The following DUSP22 variants were observed in gnomAD, a reference collection of about 807,000 sequenced individuals.
The protein encoded by DUSP22 is dual specificity protein phosphatase 22.
In DUSP22, 24 loss-of-function variants were observed where a neutral mutation model predicts 24.5. The observed-to-expected ratio is 0.98, with a 90% CI of 0.71 to 1.38. The LOEUF (loss-of-function observed/expected upper bound fraction) is 1.38, where lower values mean the gene tolerates loss of function less well. Among genes scored for constraint, DUSP22 ranks in the 40% most tolerant of loss-of-function variants. DUSP22 has a pLI of 0.00. For synonymous variants in DUSP22, 160 were observed against 106.4 expected (o/e 1.50, Z -3.10); for missense variants, 330 against 269.2 (o/e 1.23, Z -1.58).
chr6:315,599 A>G lies in DUSP22; in HGVS notation c.138+3637A>G, dbSNP rs558640137. On this transcript the variant is annotated intron_variant, in intron 3 of 6. Transcript: ENST00000419235. ...TTGTGCTATTTGTGCTTGTACTAGC[A>G]ATGTATGAAAGTGCCTTTCCCTGCC... Among the ~76,000 whole-genome samples the G allele has an allele frequency of 1.4e-4, 21 of 152,420 alleles. No individual in the cohort carries two copies. In the East Asian group the frequency reaches 1.9e-3, roughly 14 times the overall value.
At chr6:338,485 T>C (rs1365395962) in intron 4 of DUSP22, among the ~76,000 whole-genome samples, 1 of 152,306 alleles carries the variant, frequency 6.6e-6, no homozygotes, top group African/African-American at 2.4e-5. Context: ...TATCAGGTGC[T>C]GACAATCAAC....
At chr6:301,770 G>A (rs1420427734) in intron 1 of DUSP22, among the ~76,000 whole-genome samples, 4 of 152,416 alleles carry the variant, frequency 2.6e-5, no homozygotes, top group African/African-American at 9.6e-5. Flanking sequence ...GGGGCAGGAG[G>A]ACTTGACAAC....
chr6:341,349 C>T (rs928495818), intron 4 of DUSP22, among the ~76,000 whole-genome samples: 18 of 152,302 alleles, frequency 1.2e-4, no homozygotes, highest in East Asian at 1.9e-4. Context: ...GCTTCAGACT[C>T]GCACTTCTGC....
At chr6:345,268 C>T (rs976673120) in intron 4 of DUSP22, among the ~76,000 whole-genome samples, 2 of 148,314 alleles carry the variant, frequency 1.3e-5, no homozygotes, top group South Asian at 4.2e-4. Flanking sequence ...GGAGTGCAGT[C>T]GTGTGATCTT....
chr6:309,929 A>G (rs1757995774), intron 2 of DUSP22, among the ~76,000 whole-genome samples: 1 of 152,256 alleles, frequency 6.6e-6, no homozygotes, highest in Admixed American at 6.5e-5. Context: ...ATAATTAAAC[A>G]TTTGCCTTTC....
intron 4 of DUSP22, among the ~76,000 whole-genome samples, chr6:341,951 G>T (rs1418901797): frequency 6.6e-6 from 1 of 151,464 alleles, no homozygotes; most frequent in Non-Finnish European, 1.5e-5. Flanking sequence ...TTGAACCCAG[G>T]TTCAACCCCA....
At chr6:304,503 G>T in intron 1 of DUSP22, 125 bp from the exon 2 acceptor site, 1 of 1,399,896 alleles carries the variant, frequency 7.1e-7, no homozygotes, top group South Asian at 1.1e-5. Flanking sequence ...GTGTCTGTCA[G>T]GGAGGTGCTG....
intron 4 of DUSP22, among the ~76,000 whole-genome samples, chr6:341,644 C>T (rs1458585632): frequency 4.6e-5 from 7 of 152,306 alleles, no homozygotes; most frequent in African/African-American, 1.4e-4. Context: ...GGCATCCTTC[C>T]GGCTCCTGGG....
chr6:306,972 C>G (rs1347103078), intron 2 of DUSP22, among the ~76,000 whole-genome samples: 1 of 152,312 alleles, frequency 6.6e-6, no homozygotes, highest in African/African-American at 2.4e-5. Context: ...ACCTGGTGCC[C>G]TGATAAATAA....
chr6:308,803 C>T (rs1480247411), intron 2 of DUSP22, among the ~76,000 whole-genome samples: 2 of 152,300 alleles, frequency 1.3e-5, no homozygotes, highest in African/African-American at 4.8e-5. Flanking sequence ...CCCAATAAAG[C>T]TTTGTGAAAG....
At chr6:298,716 A>G (rs1388536105) in intron 1 of DUSP22, among the ~76,000 whole-genome samples, 1 of 152,304 alleles carries the variant, frequency 6.6e-6, no homozygotes, top group Non-Finnish European at 1.5e-5. Context: ...TGTAACAGAA[A>G]ACAGGAATCT....
chr6:332,341 C>T (rs1245990413), intron 3 of DUSP22, among the ~76,000 whole-genome samples: 2 of 152,306 alleles, frequency 1.3e-5, no homozygotes, highest in Admixed American at 6.5e-5. Context: ...ACGCCCACCC[C>T]AGCGACTGTG....
At position 351,200 on chromosome 6, in the gene DUSP22, A is replaced by G. The variant is rs1178871800; in HGVS notation, c.*2249A>G. The G allele has an allele frequency of 4.2e-5, 16 of 378,794 alleles. No individual in the cohort carries two copies. The highest frequency in any genetic ancestry group is 7.2e-5 in the Non-Finnish European group (15 of 207,886). The allele number at this position is 378,794 out of a possible 1,614,324, so 23.5% of individuals were successfully genotyped here. ...CGCCTCCCAAGGACGAGCCCAGTGTAGTTGTGTGGCGTGAACTCTGCCCGT... is the reference window on the plus strand; with the variant it reads ...CGCCTCCCAAGGACGAGCCCAGTGTGGTTGTGTGGCGTGAACTCTGCCCGT... On this transcript the variant is annotated 3_prime_UTR_variant, in exon 7 of 7. Coordinates refer to ENST00000419235, the MANE Select transcript of DUSP22 (RefSeq NM_001286555.3).
chr6:307,279 C>T (rs1757853790), intron 2 of DUSP22, among the ~76,000 whole-genome samples: 1 of 152,298 alleles, frequency 6.6e-6, no homozygotes, highest in Non-Finnish European at 1.5e-5. Context: ...CCTTCCTCCC[C>T]TCCCTTCTCT....
At chr6:311,675 G>A (rs544236507) in intron 2 of DUSP22, among the ~76,000 whole-genome samples, 7 of 100,832 alleles carry the variant, frequency 6.9e-5, no homozygotes, top group South Asian at 3.9e-4. Flanking sequence ...GTGAGACTCC[G>A]TCTCAAAAAA....
chr6:325,990 G>C lies in DUSP22; in HGVS notation c.139-9124G>C, dbSNP rs1299986635. ...TCCTGGTGTGTGCAATGCTGTATCT[G>C]CTGGTGCCTGGAGAGTCATCTGCCC... is the stretch of plus-strand genomic sequence containing the variant. On this transcript the variant is annotated intron_variant, in intron 3 of 6. Transcript: ENST00000419235. 3 of 227,616 alleles carry C rather than the reference G, an allele frequency of 1.3e-5. No homozygotes were observed. The Admixed American group carries it at 2.0e-4, about 15-fold the overall frequency. 14.1% of individuals were successfully genotyped at this position (227,616 alleles called of 1,614,324 possible).
chr6:304,411 G>A (rs896863731), intron 1 of DUSP22, among the ~76,000 whole-genome samples: 2 of 152,304 alleles, frequency 1.3e-5, no homozygotes, highest in Non-Finnish European at 2.9e-5. Flanking sequence ...TGACGGGGTC[G>A]AAGCCGGGCC....
chr6:294,047 C>G (rs1164764898), intron 1 of DUSP22, among the ~76,000 whole-genome samples: 2 of 152,276 alleles, frequency 1.3e-5, no homozygotes, highest in Non-Finnish European at 1.5e-5. Flanking sequence ...GAGCTGTTCA[C>G]TCTCCACCGT....
In DUSP22 at chr6:315,983, G is replaced by T. The variant is rs200267476; in HGVS notation, c.138+4021G>T. ...GGAACAGAGCCTGTGGAAGCCCAGA[G>T]AATGAGATCCTTCTTCTGCCGTTGA... is the stretch of plus-strand genomic sequence containing the variant. On this transcript the variant is annotated intron_variant, in intron 3 of 6. Coordinates refer to ENST00000419235, the MANE Select transcript of DUSP22 (RefSeq NM_001286555.3). Among the ~76,000 whole-genome samples the T allele has an allele frequency of 2.0e-5, 3 of 152,424 alleles. No individual in the cohort carries two copies. The East Asian group carries it at 5.8e-4, about 29-fold the overall frequency.
Sources: allele counts gnomAD v4.1 joint callset (sites outside exome capture counted in the v4.1 genomes callset), GRCh38; gene constraint gnomAD v4.1.1; transcripts MANE v1.5; gene names NCBI Gene and HGNC (gene_info 2026-07-23, HGNC 2026-07-21).